Variants in DAAM2 observed in about 807,000 individuals in gnomAD.
The protein encoded by DAAM2 is dishevelled associated activator of morphogenesis 2.
DAAM2 carries 39 observed loss-of-function variants against 120.7 expected under a neutral mutation model. The observed-to-expected ratio is 0.32, with a 90% CI of 0.25 to 0.42. DAAM2 has a LOEUF of 0.42. Ranked by LOEUF, DAAM2 falls within the 10% of genes least tolerant of loss-of-function variation. The probability of loss-of-function intolerance (pLI) is 1.00; values close to 1 mark genes in which losing one functional copy is unlikely to be tolerated. For missense variants in DAAM2, 1,283 were observed against 1,401.7 expected, an observed-to-expected ratio of 0.92 and a Z score of 1.35; for synonymous variants, 488 against 524.9, an observed-to-expected ratio of 0.93 and a Z score of 0.96.
At chr6:39,844,809 T>C (rs182378520) in intron 1 of DAAM2, among the ~76,000 whole-genome samples, 45 of 151,546 alleles carry the variant, frequency 3.0e-4, no homozygotes, top group Non-Finnish European at 6.3e-4. Flanking sequence ...GGGAGTTCTT[T>C]CTACTTAGAT....
At chr6:39,804,763 G>T (rs1761962569) in intron 1 of DAAM2, among the ~76,000 whole-genome samples, 1 of 152,220 alleles carries the variant, frequency 6.6e-6, no homozygotes, top group Non-Finnish European at 1.5e-5. Context: ...GGTGGTACCA[G>T]ATTGAAGTGA....
chr6:39,895,270 C>G (rs1471024615), intron 19 of DAAM2, among the ~76,000 whole-genome samples: 1 of 133,084 alleles, frequency 7.5e-6, no homozygotes, highest in Non-Finnish European at 1.6e-5. Flanking sequence ...GAGCCTCACT[C>G]TGTCGCCCAG....
Position 39,867,236 on chromosome 6 carries a change from A to T in DAAM2, c.429-274A>T, listed in dbSNP as rs1057232422. 43 of 433,406 alleles carry T rather than the reference A, an allele frequency of 9.9e-5. 1 individual carries two copies. The highest frequency in any genetic ancestry group is 2.6e-5 in the Non-Finnish European group (6 of 233,854). 26.8% of individuals were successfully genotyped at this position (433,406 alleles called of 1,614,324 possible). ...TTCAGGTTTAACAGCTCTGATAATTATCATGATCATGTGAAGAGGACTTCA... is the reference window on the plus strand; with the variant it reads ...TTCAGGTTTAACAGCTCTGATAATTTTCATGATCATGTGAAGAGGACTTCA... On this transcript the variant is annotated intron_variant, in intron 5 of 24. Transcript: ENST00000274867.
intron 14 of DAAM2, chr6:39,879,730 T>C (rs1765041042): frequency 1.7e-6 from 1 of 589,464 alleles, no homozygotes; most frequent in Admixed American, 2.7e-5. Context: ...GGAATTTGTG[T>C]TTGCCCAGGG....
chr6:39,794,095 C>G (rs1050963115), intron 1 of DAAM2, among the ~76,000 whole-genome samples: 1 of 152,162 alleles, frequency 6.6e-6, no homozygotes, highest in Non-Finnish European at 1.5e-5. Context: ...ATGTCAGAAA[C>G]AGACTCATTT....
intron 1 of DAAM2, among the ~76,000 whole-genome samples, chr6:39,799,039 A>G (rs1582586473): frequency 6.6e-6 from 1 of 152,218 alleles, no homozygotes; most frequent in African/African-American, 2.4e-5. Context: ...TTGAGGAATG[A>G]GTAGGACTTG....
chr6:39,878,799 G>C lies in DAAM2; in HGVS notation c.1545+211G>C, dbSNP rs2504085. Among the ~76,000 whole-genome samples the C allele has an allele frequency of 0.68, 103,827 of 151,982 alleles. 36,443 individuals carry two copies. The highest frequency in any genetic ancestry group is 0.85 in the African/African-American group (35,197 of 41,488). ...TGTCCCTTCCTCTGGGTGACACTGT[G>C]CCAGGAAGCACACCTTGGACAGCAG... is the stretch of plus-strand genomic sequence containing the variant. On this transcript the variant is annotated intron_variant, in intron 13 of 24. Transcript: ENST00000274867. The surrounding 1 kb of genome is among the most constrained non-coding windows in gnomAD (Gnocchi z 5.0).
At chr6:39,854,395 G>A (rs75179010) in intron 1 of DAAM2, among the ~76,000 whole-genome samples, 1,674 of 152,236 alleles carry the variant, frequency 0.011, 29 homozygotes, top group African/African-American at 0.039. Context: ...TGCCCTCCAG[G>A]AGCCCTCACG....
intron 16 of DAAM2, chr6:39,887,958 G>T (rs1235869245): frequency 1.4e-5 from 3 of 212,918 alleles, no homozygotes; most frequent in South Asian, 7.5e-5. Context: ...TGTACGGGGG[G>T]GCCTCCTGCC....
chr6:39,888,782 A>G lies in DAAM2; in HGVS notation c.2145+19A>G. The G allele has an allele frequency of 1.9e-6, 3 of 1,604,012 alleles. No individual in the cohort carries two copies. Among genetic ancestry groups the G allele is most frequent in the Non-Finnish European group, 2.6e-6 (3 of 1,172,828 alleles). On this transcript the variant is annotated intron_variant, in intron 17 of 24. Coordinates refer to ENST00000274867, the MANE Select transcript of DAAM2 (RefSeq NM_001201427.2). ...GGAGCAGGTGAGGACCCTCGTGGGA[A>G]GGAAGGGGAACTGAACCCAGCGGGC... is the stretch of plus-strand genomic sequence containing the variant.
At chr6:39,854,256 C>T (rs976685765) in intron 1 of DAAM2, among the ~76,000 whole-genome samples, 6 of 152,182 alleles carry the variant, frequency 3.9e-5, no homozygotes, top group Admixed American at 6.5e-5. Context: ...CCCCTCTTTC[C>T]TCCTTTTCCA....
intron 10 of DAAM2, among the ~76,000 whole-genome samples, chr6:39,874,009 G>T (rs1007355082): frequency 9.9e-5 from 15 of 152,218 alleles, no homozygotes; most frequent in African/African-American, 3.1e-4. Flanking sequence ...AAACCAGTGT[G>T]GCCCACCATA....
At position 39,856,307 on chromosome 6, in the gene DAAM2, C is replaced by T. The variant is rs770971141; in HGVS notation, c.5C>T (p.Ala2Val). ...GCCCCCTGGCCTGCAGTGACCATGG[C>T]CCCCCGCAAGAGGAGCCACCATGGC... is the stretch of plus-strand genomic sequence containing the variant. The part of the protein sequence containing the change: M[A>V]PRKRSHHGLG... Residue 2 changes from alanine to valine, a missense_variant, in exon 2 of 25, where the codon GCC becomes GTC. Ala to Val is a moderately conservative substitution (Grantham distance 64, BLOSUM62 0). Around this residue, in one of 3 missense-constraint regions of DAAM2, gnomAD observed 197 missense variants for 189.3 expected, o/e 1.04. Transcript: ENST00000274867. 5.9e-6 allele frequency: 9 copies of T among 1,528,692 alleles called. No individual in the cohort carries two copies. Among genetic ancestry groups the T allele is most frequent in the South Asian group, 2.6e-5 (2 of 78,194 alleles). 94.7% of individuals were successfully genotyped at this position (1,528,692 alleles called of 1,614,324 possible). A position where few individuals can be genotyped will look rare whatever the true frequency, so the allele number is the denominator to read the frequency against.
At chr6:39,828,356 G>A (rs1290201010) in intron 1 of DAAM2, among the ~76,000 whole-genome samples, 1 of 152,180 alleles carries the variant, frequency 6.6e-6, no homozygotes, top group African/African-American at 2.4e-5. Context: ...ACTGTAAAGA[G>A]CATAGGTACT....
chr6:39,830,549 G>A (rs111282824), intron 1 of DAAM2, among the ~76,000 whole-genome samples: 2,439 of 152,262 alleles, frequency 0.016, 64 homozygotes, highest in African/African-American at 0.055. Flanking sequence ...TGGCCCTCCG[G>A]CTCAGGCAGT....
At chr6:39,871,320 T>C (rs1764651747) in intron 8 of DAAM2, among the ~76,000 whole-genome samples, 186 bp from the exon 9 acceptor site, 1 of 152,150 alleles carries the variant, frequency 6.6e-6, no homozygotes, top group South Asian at 2.1e-4. Flanking sequence ...AGGAAGGTCA[T>C]GGGATCTTAT....
chr6:39,886,283 C>T, intron 15 of DAAM2: 1 of 397,348 alleles, frequency 2.5e-6, no homozygotes, highest in Non-Finnish European at 4.4e-6. Context: ...CTGTCTACAA[C>T]CATGGGTCTC....
At chr6:39,843,856 G>T (rs949075213) in intron 1 of DAAM2, among the ~76,000 whole-genome samples, 1 of 152,188 alleles carries the variant, frequency 6.6e-6, no homozygotes, top group Non-Finnish European at 1.5e-5. Context: ...GATGGGAAGT[G>T]CACCATAGGA....
At position 39,901,564 on chromosome 6, in the gene DAAM2, G is replaced by GACTGAGGA. The variant is rs1002592617; in HGVS notation, c.2982+103_2982+110dup. 4 of 1,406,194 alleles carry GACTGAGGA rather than the reference G, an allele frequency of 2.8e-6. No homozygotes were observed. Among genetic ancestry groups the GACTGAGGA allele is most frequent in the African/African-American group, 2.8e-5 (2 of 70,376 alleles). The allele number at this position is 1,406,194 out of a possible 1,614,324, so 87.1% of individuals were successfully genotyped here. ...CTGGGGTGTGTGGGAGGAGGGCAGA[G>GACTGAGGA]ACTGAGGAACTGAGGAACACCATAG... On this transcript the variant is annotated intron_variant, in intron 24 of 24. Coordinates refer to ENST00000274867, the MANE Select transcript of DAAM2 (RefSeq NM_001201427.2). This position sits in a 1 kb window ranked among gnomAD's most constrained non-coding sequence, Gnocchi z 4.5.
Sources: gnomAD v4.1 joint callset for allele counts (sites outside exome capture counted in the v4.1 genomes callset) on GRCh38, gnomAD v4.1.1 for gene constraint, gnomAD v4.1.1 regional missense constraint, Gnocchi (gnomAD v3.1) non-coding constraint, MANE v1.5 for transcripts, NCBI Gene and HGNC (gene_info 2026-07-23, HGNC 2026-07-21) for gene names.